The following PPFIA2 variants were observed in gnomAD, a reference collection of about 807,000 sequenced individuals.
PPFIA2 encodes the protein PPFI scaffold protein A2.
A neutral mutation model predicts 175.5 loss-of-function variants in PPFIA2; 46 were observed. That is an observed-to-expected ratio of 0.26 (90% confidence interval 0.21 to 0.34). The LOEUF is 0.34. PPFIA2 is among the 10% of genes least tolerant of loss of function. The pLI, the probability that PPFIA2 is intolerant of heterozygous loss-of-function variation, is 1.00. For synonymous variants in PPFIA2, 568 were observed against 511.4 expected (o/e 1.11, Z -1.49); for missense variants, 1,179 against 1,506.1 (o/e 0.78, Z 3.60).
chr12:81,295,108 T>C (rs1483771800), intron 23 of PPFIA2, 73 bp from the exon 24 acceptor site: 5 of 1,374,618 alleles, frequency 3.6e-6, no homozygotes, highest in East Asian at 2.5e-5. Context: ...ATGCTAGGAA[T>C]TATTTTATGT....
chr12:81,491,949 A>G (rs575951689), intron 4 of PPFIA2, among the ~76,000 whole-genome samples: 5 of 151,980 alleles, frequency 3.3e-5, no homozygotes, highest in Admixed American at 2.6e-4. Flanking sequence ...TATCTTATTC[A>G]CCCTTCAATG....
intron 3 of PPFIA2, chr12:81,687,541 C>G (rs1475893665): frequency 1.3e-5 from 2 of 152,138 alleles, no homozygotes; most frequent in East Asian, 3.9e-4. Context: ...TCCCAAGAAA[C>G]TTTGCCTGAG....
chr12:81,692,198 T>C (rs2153589105), intron 3 of PPFIA2, among the ~76,000 whole-genome samples: 1 of 151,592 alleles, frequency 6.6e-6, no homozygotes, highest in Non-Finnish European at 1.5e-5. Flanking sequence ...AGCAAGAAAC[T>C]GATGTCTCAT....
intron 4 of PPFIA2, among the ~76,000 whole-genome samples, chr12:81,463,640 G>C (rs1200196284): frequency 6.6e-6 from 1 of 152,020 alleles, no homozygotes; most frequent in Non-Finnish European, 1.5e-5. Flanking sequence ...ATTTATATGA[G>C]CACTCACTAT....
chr12:81,658,764 C>A (rs1342497857), intron 4 of PPFIA2, among the ~76,000 whole-genome samples: 1 of 151,150 alleles, frequency 6.6e-6, no homozygotes, highest in African/African-American at 2.4e-5. Flanking sequence ...AACTTACATG[C>A]AAAGAAACAA....
intron 3 of PPFIA2, among the ~76,000 whole-genome samples, chr12:81,727,503 G>A (rs2080243492): frequency 6.6e-6 from 1 of 150,968 alleles, no homozygotes. Flanking sequence ...CTGTTTCTTT[G>A]GGGATCTCTA....
At chr12:81,397,905 G>A (rs1037947575) in intron 8 of PPFIA2, among the ~76,000 whole-genome samples, 8 of 151,730 alleles carry the variant, frequency 5.3e-5, no homozygotes, top group African/African-American at 1.9e-4. Flanking sequence ...CCATTCGAGG[G>A]ATCTAGGTTG....
intron 24 of PPFIA2, among the ~76,000 whole-genome samples, chr12:81,294,164 G>A (rs1051175333): frequency 3.9e-5 from 6 of 152,094 alleles, no homozygotes; most frequent in African/African-American, 1.4e-4. Context: ...GTAGGGATGA[G>A]GTTTGAAAAA....
At chr12:81,741,261 G>A (rs2082287567) in intron 3 of PPFIA2, among the ~76,000 whole-genome samples, 1 of 152,022 alleles carries the variant, frequency 6.6e-6, no homozygotes, top group East Asian at 1.9e-4. Context: ...TGACACTCGT[G>A]TTGTAGACAC....
chr12:81,285,007 T>A (rs2042956797), intron 24 of PPFIA2, among the ~76,000 whole-genome samples: 1 of 152,218 alleles, frequency 6.6e-6, no homozygotes, highest in Admixed American at 6.5e-5. Context: ...TCTCCACCAG[T>A]ATCTGATACC....
intron 4 of PPFIA2, among the ~76,000 whole-genome samples, chr12:81,592,409 T>TG (rs1198338077): frequency 6.6e-6 from 1 of 152,156 alleles, no homozygotes; most frequent in Non-Finnish European, 1.5e-5. Context: ...ACATTTGGGA[T>TG]GGGTCTGGGA....
chr12:81,496,013 A>C (rs1481455474), intron 4 of PPFIA2, among the ~76,000 whole-genome samples: 1 of 152,218 alleles, frequency 6.6e-6, no homozygotes, highest in Non-Finnish European at 1.5e-5. Flanking sequence ...AAGTGATATT[A>C]TGACTTAATT....
chr12:81,489,811 G>A (rs1045162768), intron 4 of PPFIA2, among the ~76,000 whole-genome samples: 4 of 151,768 alleles, frequency 2.6e-5, no homozygotes, highest in African/African-American at 9.7e-5. Context: ...ATGAGTGGAG[G>A]TTGACAAGTC....
intron 4 of PPFIA2, among the ~76,000 whole-genome samples, chr12:81,584,040 T>C (rs73145466): frequency 8.5e-5 from 13 of 152,072 alleles, no homozygotes; most frequent in Non-Finnish European, 1.3e-4. Flanking sequence ...TAGCACAATA[T>C]AACTGCATCT....
chr12:81,510,975 T>C (rs976750195), intron 4 of PPFIA2, among the ~76,000 whole-genome samples: 1 of 152,130 alleles, frequency 6.6e-6, no homozygotes, highest in Non-Finnish European at 1.5e-5. Context: ...TTCATCTTTA[T>C]CCTTTCCTTA....
chr12:81,628,376 C>CTTTTTTTTT (rs11304359), intron 4 of PPFIA2, among the ~76,000 whole-genome samples: 2 of 111,676 alleles, frequency 1.8e-5, no homozygotes, highest in Admixed American at 1.1e-4. Flanking sequence ...TTTCTTTTAC[C>CTTTTTTTTT]TTTTTTTTTT....
intron 4 of PPFIA2, among the ~76,000 whole-genome samples, chr12:81,653,994 T>G (rs777530390): frequency 1.1e-4 from 17 of 152,046 alleles, no homozygotes; most frequent in Non-Finnish European, 2.1e-4. Flanking sequence ...ATATACTTTG[T>G]GTTATCAGCT....
In PPFIA2 at chr12:81,283,125, C is replaced by T. The variant is rs2042452907; in HGVS notation, c.2989-86G>A. 7.2e-6 allele frequency: 9 copies of T among 1,244,420 alleles called. 1 individual carries two copies. In the South Asian group the frequency reaches 9.0e-5, roughly 12 times the overall value. The allele number at this position is 1,244,420 out of a possible 1,614,324, so 77.1% of individuals were successfully genotyped here. ...TACAGTAAAATTTTTCTAGCAGAAG[C>T]AAAATTGTTATACAAAATATTTTGT... On this transcript the variant is annotated intron_variant, in intron 25 of 32. Transcript: ENST00000549396.
chr12:81,574,929 T>C (rs2073241960), intron 4 of PPFIA2, among the ~76,000 whole-genome samples: 1 of 151,768 alleles, frequency 6.6e-6, no homozygotes, highest in Non-Finnish European at 1.5e-5. Flanking sequence ...GGAATTGTAT[T>C]AAAACTAATT....
Sources: allele counts gnomAD v4.1 joint callset (sites outside exome capture counted in the v4.1 genomes callset), GRCh38; gene constraint gnomAD v4.1.1; transcripts MANE v1.5; gene names NCBI Gene and HGNC (gene_info 2026-07-23, HGNC 2026-07-21).